Variants in HHAT observed in about 807,000 individuals in gnomAD.
HHAT encodes protein-cysteine N-palmitoyltransferase HHAT.
HHAT carries 47 observed loss-of-function variants against 70.8 expected under a neutral mutation model. The observed-to-expected ratio is 0.66, with a 90% CI of 0.53 to 0.85. HHAT has a LOEUF of 0.85. Ranked by LOEUF, HHAT falls within the 40% of genes least tolerant of loss-of-function variation. The pLI is 0.00. For synonymous variants in HHAT, 228 were observed against 247.6 expected, an observed-to-expected ratio of 0.92 and a Z score of 0.74; for missense variants, 609 against 604.8, an observed-to-expected ratio of 1.01 and a Z score of -0.07.
intron 1 of HHAT, among the ~76,000 whole-genome samples, chr1:210,337,935 A>G (rs1357842277): frequency 1.3e-5 from 2 of 152,212 alleles, no homozygotes; most frequent in Non-Finnish European, 2.9e-5. Context: ...TGGGTCTAAG[A>G]TATTATTTGA....
At chr1:210,600,676 T>A (rs1558248817) in intron 10 of HHAT, among the ~76,000 whole-genome samples, 1 of 152,106 alleles carries the variant, frequency 6.6e-6, no homozygotes, top group Non-Finnish European at 1.5e-5. Context: ...AGCACTGTGC[T>A]TTTTCTCTGT....
At chr1:210,581,775 A>G (rs1403832758) in intron 9 of HHAT, among the ~76,000 whole-genome samples, 1 of 152,178 alleles carries the variant, frequency 6.6e-6, no homozygotes, top group Non-Finnish European at 1.5e-5. Flanking sequence ...CTTATAATCA[A>G]TCATCCTTTC....
chr1:210,359,080 T>G (rs932518281), intron 2 of HHAT, among the ~76,000 whole-genome samples: 1 of 152,106 alleles, frequency 6.6e-6, no homozygotes, highest in East Asian at 1.9e-4. Context: ...TTTGGGGAAA[T>G]AGAACCAGGG....
chr1:210,658,020 T>C (rs1676816202), intron 11 of HHAT, among the ~76,000 whole-genome samples: 1 of 152,244 alleles, frequency 6.6e-6, no homozygotes, highest in Admixed American at 6.5e-5. Flanking sequence ...GAATGGGTAC[T>C]CTGAAGTCAA....
chr1:210,360,455 C>T (rs192439760), intron 2 of HHAT, among the ~76,000 whole-genome samples: 162 of 152,132 alleles, frequency 1.1e-3, no homozygotes, highest in African/African-American at 3.7e-3. Context: ...GGATTACAGG[C>T]GCCTGCCATC....
chr1:210,470,338 T>C (rs894654854), intron 8 of HHAT, among the ~76,000 whole-genome samples: 1 of 152,164 alleles, frequency 6.6e-6, no homozygotes, highest in Non-Finnish European at 1.5e-5. Flanking sequence ...TATTCGTTCA[T>C]ATAGCTTTGC....
chr1:210,665,804 A>G (rs1238375240), intron 11 of HHAT, among the ~76,000 whole-genome samples: 2 of 152,186 alleles, frequency 1.3e-5, no homozygotes, highest in Non-Finnish European at 2.9e-5. Context: ...ATTGGATTGA[A>G]ATCAAAACCA....
At chr1:210,448,686 C>T (rs1259790882) in intron 7 of HHAT, among the ~76,000 whole-genome samples, 2 of 152,132 alleles carry the variant, frequency 1.3e-5, no homozygotes, top group African/African-American at 4.8e-5. Context: ...TTACTTTAAA[C>T]TGTTTTTCAT....
chr1:210,338,150 C>T (rs1303877581), intron 1 of HHAT, among the ~76,000 whole-genome samples: 1 of 150,426 alleles, frequency 6.6e-6, no homozygotes, highest in African/African-American at 2.5e-5. Flanking sequence ...AGTTCAAGAC[C>T]AGCCTGGGCA....
At chr1:210,671,755 G>C (rs1163304150) in intron 11 of HHAT, among the ~76,000 whole-genome samples, 1 of 152,210 alleles carries the variant, frequency 6.6e-6, no homozygotes, top group Non-Finnish European at 1.5e-5. Context: ...CATGTCTATT[G>C]TTTTAATCTA....
chr1:210,611,273 C>T (rs961943766), intron 10 of HHAT, among the ~76,000 whole-genome samples: 7 of 151,912 alleles, frequency 4.6e-5, no homozygotes, highest in East Asian at 1.9e-4. Flanking sequence ...TTGTAGCAAT[C>T]GTTAGTGGGA....
intron 9 of HHAT, among the ~76,000 whole-genome samples, chr1:210,569,437 C>A (rs1468785446): frequency 7.1e-6 from 1 of 141,468 alleles, no homozygotes; most frequent in African/African-American, 2.6e-5. Flanking sequence ...GTTTTCCACT[C>A]ATTGAGAAAG....
chr1:210,411,734 A>T (rs1437192162), intron 6 of HHAT, among the ~76,000 whole-genome samples: 1 of 152,122 alleles, frequency 6.6e-6, no homozygotes. Flanking sequence ...CAATAGAGTG[A>T]CACCCTGTGT....
At chr1:210,560,725 A>T (rs1234888270) in intron 9 of HHAT, among the ~76,000 whole-genome samples, 2 of 144,796 alleles carry the variant, frequency 1.4e-5, no homozygotes, top group Non-Finnish European at 3.0e-5. Flanking sequence ...AAGAGGATGG[A>T]TCACTTGAGA....
intron 9 of HHAT, among the ~76,000 whole-genome samples, chr1:210,523,711 A>G (rs953667427): frequency 2.0e-5 from 3 of 152,188 alleles, no homozygotes; most frequent in African/African-American, 7.2e-5. Flanking sequence ...CACAACGTCT[A>G]ATGTCTAGAG....
At chr1:210,418,416 G>A (rs2148274285) in intron 7 of HHAT, 91 bp downstream of exon 7, 1 of 1,196,682 alleles carries the variant, frequency 8.4e-7, no homozygotes, top group Non-Finnish European at 1.2e-6. Context: ...GAGCAGGGGT[G>A]CAGGTGCCTA....
At chr1:210,331,232 AACT>A (rs764383845) in intron 1 of HHAT, among the ~76,000 whole-genome samples, 3 of 151,138 alleles carry the variant, frequency 2.0e-5, no homozygotes, top group Non-Finnish European at 2.9e-5. Context: ...GTTTTTCTGC[AACT>A]AGGCAGTCCC....
chr1:210,654,920 G>A (rs1676062915), intron 11 of HHAT, among the ~76,000 whole-genome samples: 1 of 152,154 alleles, frequency 6.6e-6, no homozygotes, highest in African/African-American at 2.4e-5. Context: ...GACACGGGAA[G>A]AAATTCAGAT....
chr1:210,562,652 C>CT (rs1029623096), intron 9 of HHAT, among the ~76,000 whole-genome samples: 7 of 148,926 alleles, frequency 4.7e-5, no homozygotes, highest in East Asian at 1.9e-4. Context: ...GGGTTTTTTT[C>CT]TTTTCTTTTT....
Sources: gnomAD v4.1 joint callset for allele counts (sites outside exome capture counted in the v4.1 genomes callset) on GRCh38, gnomAD v4.1.1 for gene constraint, MANE v1.5 for transcripts, NCBI Gene and HGNC (gene_info 2026-07-23, HGNC 2026-07-21) for gene names.